TBL1XR1: variants seen among roughly 807,000 people sequenced by gnomAD.
The protein encoded by TBL1XR1 is F-box-like/WD repeat-containing protein TBL1XR1.
Under a neutral mutation model 66.9 loss-of-function variants are expected in TBL1XR1, and 5 were observed. That is an observed-to-expected ratio of 0.07 (90% CI 0.04 to 0.16). The LOEUF is 0.16. TBL1XR1 is among the 10% of genes least tolerant of loss of function. The pLI is 1.00. For synonymous variants in TBL1XR1, 210 were observed against 206.0 expected (o/e 1.02, Z -0.17); for missense variants, 238 against 623.2 (o/e 0.38, Z 6.58).
At chr3:177,189,664 A>AAAATTAAAATTTC (rs57549428) in intron 1 of TBL1XR1, among the ~76,000 whole-genome samples, 6,829 of 141,908 alleles carry the variant, frequency 0.048, 657 homozygotes, top group African/African-American at 0.15. Context: ...AAAAAAAAAA[A>AAAATTAAAATTTC]AGAAGGATGT....
At chr3:177,095,089 C>A (rs527784010) in intron 2 of TBL1XR1, among the ~76,000 whole-genome samples, 7 of 151,206 alleles carry the variant, frequency 4.6e-5, no homozygotes, top group Non-Finnish European at 7.4e-5. Flanking sequence ...TGAATCATCA[C>A]GAGATTATGT....
At chr3:177,113,601 C>T (rs964112797) in intron 1 of TBL1XR1, among the ~76,000 whole-genome samples, 4 of 152,110 alleles carry the variant, frequency 2.6e-5, no homozygotes, top group African/African-American at 4.8e-5. Context: ...AAGGTGAAGG[C>T]TGGAGAATCG....
chr3:177,060,973 T>C (rs546753077), intron 3 of TBL1XR1, among the ~76,000 whole-genome samples: 1 of 152,362 alleles, frequency 6.6e-6, no homozygotes, highest in South Asian at 2.1e-4. Context: ...TTTTATTCCC[T>C]AGGAAATATT....
chr3:177,163,859 T>C lies in TBL1XR1; in HGVS notation c.-122+33262A>G, dbSNP rs1453246024. On this transcript the variant is annotated intron_variant, in intron 1 of 15. Coordinates refer to ENST00000457928, the MANE Select transcript of TBL1XR1 (RefSeq NM_024665.7). Reference sequence around the variant, plus strand: ...TCATATGTATCACTTTCTATACACATAGATATACACATAAATACGCAAAAT... The same window carrying C: ...TCATATGTATCACTTTCTATACACACAGATATACACATAAATACGCAAAAT... 10 of 152,060 alleles carry C rather than the reference T, an allele frequency of 6.6e-5. No individual in the cohort carries two copies. The East Asian group carries it at 7.7e-4, about 12-fold the overall frequency. The allele number at this position is 152,060 out of a possible 1,614,324, so 9.4% of individuals were successfully genotyped here. A position where few individuals can be genotyped will look rare whatever the true frequency, so the allele number is the denominator to read the frequency against.
chr3:177,078,386 C>T (rs1479650005), intron 2 of TBL1XR1, among the ~76,000 whole-genome samples: 2 of 149,520 alleles, frequency 1.3e-5, no homozygotes, highest in African/African-American at 4.9e-5. Flanking sequence ...GAGCCCTGGG[C>T]AACATAGGGA....
At chr3:177,041,277 G>C (rs537912117) in intron 10 of TBL1XR1, 2 of 152,418 alleles carry the variant, frequency 1.3e-5, no homozygotes, top group African/African-American at 4.8e-5. Context: ...TATCCAAGCT[G>C]GTGTTGTGTA....
rs543886973 is a variant in TBL1XR1 at position 177,131,495 on chromosome 3, T to A, written c.-121-32954A>T. 2.0e-5 allele frequency: 12 copies of A among 589,772 alleles called. No individual in the cohort carries two copies. In the Admixed American group the frequency reaches 5.5e-4, roughly 27 times the overall value. 36.5% of individuals were successfully genotyped at this position (589,772 alleles called of 1,614,324 possible). A position where few individuals can be genotyped will look rare whatever the true frequency, so the allele number is the denominator to read the frequency against. On this transcript the variant is annotated intron_variant, in intron 1 of 15. Transcript: ENST00000457928. ...AAAAAACTAAATTAAAAAAACACAT[T>A]GTCATTCTGAATATCTTTTTTTTTT...
chr3:177,118,752 G>C (rs1726614775), intron 1 of TBL1XR1, among the ~76,000 whole-genome samples: 1 of 152,156 alleles, frequency 6.6e-6, no homozygotes, highest in South Asian at 2.1e-4. Context: ...TGGGGGAGTA[G>C]AGACAAAATG....
chr3:177,095,002 C>T lies in TBL1XR1; in HGVS notation c.-46+3464G>A, dbSNP rs77371492. Among the ~76,000 whole-genome samples the T allele has an allele frequency of 7.7e-3, 1,153 of 150,372 alleles. 24 individuals carry two copies. Among genetic ancestry groups the T allele is most frequent in the African/African-American group, 0.027 (1,084 of 40,764 alleles). The stretch of plus-strand genomic sequence containing the variant: ...AAAGAATAAAAAAATAAAGAAAATG[C>T]GTTATATACATACAATGGAATCTCA... On this transcript the variant is annotated intron_variant, in intron 2 of 15. Coordinates refer to ENST00000457928, the MANE Select transcript of TBL1XR1 (RefSeq NM_024665.7).
intron 2 of TBL1XR1, among the ~76,000 whole-genome samples, chr3:177,078,480 G>A (rs960855589): frequency 6.6e-6 from 1 of 151,668 alleles, no homozygotes; most frequent in Non-Finnish European, 1.5e-5. Context: ...AGCTACTTGG[G>A]AGGCTGAGGT....
chr3:177,138,355 G>A (rs1729234620), intron 1 of TBL1XR1, among the ~76,000 whole-genome samples: 1 of 152,180 alleles, frequency 6.6e-6, no homozygotes, highest in Non-Finnish European at 1.5e-5. Flanking sequence ...GGCATTTTGA[G>A]AGGCCGAGGT....
chr3:177,159,103 T>C (rs957589697), intron 1 of TBL1XR1, among the ~76,000 whole-genome samples: 2 of 151,892 alleles, frequency 1.3e-5, no homozygotes, highest in South Asian at 4.1e-4. Flanking sequence ...ATTCCTGCAG[T>C]GGTAAAGACA....
At chr3:177,062,234 A>G (rs1472598604) in intron 3 of TBL1XR1, among the ~76,000 whole-genome samples, 1 of 152,196 alleles carries the variant, frequency 6.6e-6, no homozygotes, top group Non-Finnish European at 1.5e-5. Context: ...CATGTATTCC[A>G]TGTTTTCTAC....
intron 3 of TBL1XR1, among the ~76,000 whole-genome samples, chr3:177,061,534 T>G (rs1718517385): frequency 6.6e-6 from 1 of 152,216 alleles, no homozygotes. Context: ...GCGGAAATTT[T>G]AGTTTTGCTT....
intron 1 of TBL1XR1, among the ~76,000 whole-genome samples, chr3:177,164,490 C>T (rs1302087823): frequency 6.6e-6 from 1 of 152,008 alleles, no homozygotes; most frequent in Non-Finnish European, 1.5e-5. Context: ...GCTGGGATTA[C>T]AAGCGCCTGC....
intron 1 of TBL1XR1, chr3:177,161,046 T>C (rs544974785): frequency 6.6e-6 from 1 of 151,550 alleles, no homozygotes; most frequent in South Asian, 2.1e-4. Context: ...TGTAAAAAAA[T>C]TTATATCAAG....
upstream of TBL1XR1, among the ~76,000 whole-genome samples, chr3:177,201,493 A>C (rs182070400): frequency 2.0e-5 from 3 of 151,976 alleles, no homozygotes; most frequent in East Asian, 1.9e-4. Context: ...GTGGCATGGC[A>C]AGATAGCCTA....
intron 1 of TBL1XR1, among the ~76,000 whole-genome samples, chr3:177,153,674 C>T (rs1050713992): frequency 1.1e-4 from 16 of 151,918 alleles, no homozygotes; most frequent in Non-Finnish European, 8.8e-5. Flanking sequence ...AATCACCTGA[C>T]GTCAGGAGTT....
chr3:177,085,535 G>A (rs187030162), intron 2 of TBL1XR1, among the ~76,000 whole-genome samples: 1 of 152,156 alleles, frequency 6.6e-6, no homozygotes, highest in East Asian at 1.9e-4. Flanking sequence ...TCTCAAAGAT[G>A]CCCATGAAGG....
Sources: allele counts gnomAD v4.1 joint callset (sites outside exome capture counted in the v4.1 genomes callset), GRCh38; gene constraint gnomAD v4.1.1; transcripts MANE v1.5; gene names NCBI Gene and HGNC (gene_info 2026-07-23, HGNC 2026-07-21).